TRPC4: variants seen among roughly 807,000 people sequenced by gnomAD.
TRPC4 encodes short transient receptor potential channel 4.
A neutral mutation model predicts 99.4 loss-of-function variants in TRPC4; 49 were observed. The ratio of observed to expected loss-of-function variants is 0.49; its 90% CI spans 0.39 to 0.63. The LOEUF is 0.63. Among genes scored for constraint, TRPC4 ranks in the 20% least tolerant of loss-of-function variants. TRPC4 has a pLI of 0.00. For synonymous variants in TRPC4, 454 were observed against 425.9 expected (o/e 1.07, Z -0.81); for missense variants, 898 against 1,152.9 (o/e 0.78, Z 3.20).
Position 37,799,856 on chromosome 13 carries a change from A to T in TRPC4, c.-27-16496T>A, listed in dbSNP as rs187706973. ...CTAGCATCAAAACTGACAATGAAAA[A>T]ATGTGTTGGTTTTGGAGCCAAAATT... On this transcript the variant is annotated intron_variant, in intron 1 of 10. Coordinates refer to ENST00000379705, the MANE Select transcript of TRPC4 (RefSeq NM_016179.4). 3.9e-5 allele frequency among the ~76,000 whole-genome samples: 6 copies of T among 152,280 alleles called. No homozygotes were observed. The East Asian group carries it at 1.2e-3, about 29-fold the overall frequency.
At chr13:37,662,325 T>G (rs1362226353) in intron 6 of TRPC4, among the ~76,000 whole-genome samples, 1 of 126,730 alleles carries the variant, frequency 7.9e-6, no homozygotes, top group Non-Finnish European at 1.8e-5. Flanking sequence ...AAAAAAATTA[T>G]GTTTTCTTTA....
chr13:37,868,477 C>A (rs574194876), intron 1 of TRPC4, among the ~76,000 whole-genome samples: 87 of 152,218 alleles, frequency 5.7e-4, no homozygotes, highest in Non-Finnish European at 8.7e-4. Flanking sequence ...TTACCAAAAA[C>A]ACCCCAAACC....
chr13:37,705,445 A>T (rs888999583), intron 3 of TRPC4, among the ~76,000 whole-genome samples: 1 of 151,950 alleles, frequency 6.6e-6, no homozygotes, highest in Non-Finnish European at 1.5e-5. Context: ...TTTAAGTGTT[A>T]TCACCACAAA....
At chr13:37,857,314 G>A (rs1461747441) in intron 1 of TRPC4, among the ~76,000 whole-genome samples, 3 of 151,518 alleles carry the variant, frequency 2.0e-5, no homozygotes, top group African/African-American at 4.8e-5. Context: ...TGGATTGGAA[G>A]AATCAATACT....
chr13:37,771,368 A>T (rs1315838721), intron 2 of TRPC4, among the ~76,000 whole-genome samples: 1 of 151,770 alleles, frequency 6.6e-6, no homozygotes, highest in Non-Finnish European at 1.5e-5. Flanking sequence ...CTGCTATAGC[A>T]AAATTGAAGA....
intron 2 of TRPC4, among the ~76,000 whole-genome samples, chr13:37,766,068 A>G (rs560016749): frequency 1.3e-5 from 2 of 151,538 alleles, no homozygotes; most frequent in South Asian, 2.1e-4. Context: ...ATGAAAGTTG[A>G]TATAATTAAG....
At chr13:37,816,162 T>A (rs936792544) in intron 1 of TRPC4, among the ~76,000 whole-genome samples, 1 of 151,676 alleles carries the variant, frequency 6.6e-6, no homozygotes, top group African/African-American at 2.4e-5. Flanking sequence ...TAGAAATATG[T>A]CGAATTCATG....
chr13:37,662,847 A>G (rs757750314), intron 6 of TRPC4, among the ~76,000 whole-genome samples: 2 of 152,212 alleles, frequency 1.3e-5, no homozygotes, highest in Non-Finnish European at 2.9e-5. Flanking sequence ...AGAGCTGACA[A>G]TAGACACTGT....
intron 2 of TRPC4, among the ~76,000 whole-genome samples, chr13:37,750,587 C>T (rs1955906530): frequency 6.6e-6 from 1 of 152,044 alleles, no homozygotes; most frequent in Non-Finnish European, 1.5e-5. Flanking sequence ...TTGAAACATT[C>T]TGACTTTCCT....
Position 37,835,778 on chromosome 13 carries a change from G to A in TRPC4, c.-28+33817C>T, listed in dbSNP as rs73462421. On this transcript the variant is annotated intron_variant, in intron 1 of 10. Coordinates refer to ENST00000379705, the MANE Select transcript of TRPC4 (RefSeq NM_016179.4). Reference sequence around the variant, plus strand: ...TGACATTAGTATGTACAGCATACTCGTATGCACAATTCCCAATATATTGGT... The same window carrying A: ...TGACATTAGTATGTACAGCATACTCATATGCACAATTCCCAATATATTGGT... Among the ~76,000 whole-genome samples, 1,463 of 152,234 alleles carry A rather than the reference G, an allele frequency of 9.6e-3. 27 individuals are homozygous for A. Among genetic ancestry groups the A allele is most frequent in the African/African-American group, 0.026 (1,099 of 41,536 alleles).
intron 1 of TRPC4, among the ~76,000 whole-genome samples, chr13:37,841,500 CT>C (rs1958728989): frequency 6.7e-6 from 1 of 149,358 alleles, no homozygotes; most frequent in African/African-American, 2.5e-5. Flanking sequence ...AATCCCATAT[CT>C]AATAAATAGC....
At chr13:37,868,788 A>G (rs1019841170) in intron 1 of TRPC4, among the ~76,000 whole-genome samples, 2 of 152,198 alleles carry the variant, frequency 1.3e-5, no homozygotes, top group African/African-American at 4.8e-5. Flanking sequence ...GGGATACACC[A>G]TAGTGGATAC....
In TRPC4 at chr13:37,746,424, G is replaced by A; in HGVS notation, c.410C>T (p.Ser137Phe). The change falls in exon 3 of 11, where the codon TCT (serine) becomes TTT (phenylalanine). Residue 137 changes from serine to phenylalanine, a missense_variant. Around this residue, in one of 3 missense-constraint regions of TRPC4, gnomAD observed 278 missense variants for 346.6 expected, o/e 0.80. Coordinates refer to ENST00000379705, the MANE Select transcript of TRPC4 (RefSeq NM_016179.4). ...VPPILLDKQF[S>F]EFTPDITPII... is the part of the protein sequence containing the mutation. Reference sequence around the variant, plus strand: ...TGGTGTAATGTCTGGAGTGAATTCAGAGAACTGCTTATCAAGGAGTATAGG... The same window carrying A: ...TGGTGTAATGTCTGGAGTGAATTCAAAGAACTGCTTATCAAGGAGTATAGG... 1 of 1,610,202 alleles carries A rather than the reference G, an allele frequency of 6.2e-7. No individual in the cohort carries two copies. The highest frequency in any genetic ancestry group is 1.1e-5 in the South Asian group (1 of 90,900).
At chr13:37,840,651 A>T (rs956305371) in intron 1 of TRPC4, among the ~76,000 whole-genome samples, 1 of 152,004 alleles carries the variant, frequency 6.6e-6, no homozygotes, top group Non-Finnish European at 1.5e-5. Flanking sequence ...ATTATTATTT[A>T]AAAAGATTAA....
At chr13:37,756,567 C>G (rs530684310) in intron 2 of TRPC4, among the ~76,000 whole-genome samples, 1 of 148,102 alleles carries the variant, frequency 6.8e-6, no homozygotes, top group Non-Finnish European at 1.5e-5. Context: ...GAGTCTTGCC[C>G]TGTCACCCAG....
chr13:37,848,398 C>T (rs897250395), intron 1 of TRPC4, among the ~76,000 whole-genome samples: 3 of 152,070 alleles, frequency 2.0e-5, no homozygotes, highest in African/African-American at 7.2e-5. Context: ...TATCACAGCA[C>T]CATCCATAGA....
At chr13:37,676,895 A>G (rs972669405) in intron 4 of TRPC4, among the ~76,000 whole-genome samples, 1 of 151,474 alleles carries the variant, frequency 6.6e-6, no homozygotes, top group Admixed American at 6.6e-5. Flanking sequence ...ATTTTTAAAA[A>G]TGAAGATTTA....
chr13:37,749,401 A>G (rs1371733494), intron 2 of TRPC4, among the ~76,000 whole-genome samples: 1 of 152,152 alleles, frequency 6.6e-6, no homozygotes, highest in Non-Finnish European at 1.5e-5. Flanking sequence ...TGTCTTTACC[A>G]TTAATTGCCT....
rs528304897 is a variant in TRPC4, at chr13:37,829,166, A to T, written c.-28+40429T>A. On this transcript the variant is annotated intron_variant, in intron 1 of 10. Coordinates refer to ENST00000379705, the MANE Select transcript of TRPC4 (RefSeq NM_016179.4). ...TTCCTTAAAAGGACACTATCAAGAAAGTAAAAGACAACACACAGAATGAAA... is the reference window on the plus strand; with the variant it reads ...TTCCTTAAAAGGACACTATCAAGAATGTAAAAGACAACACACAGAATGAAA... Among the ~76,000 whole-genome samples, 8 of 152,324 alleles carry T rather than the reference A, an allele frequency of 5.3e-5. No individual in the cohort carries two copies. In the East Asian group the frequency reaches 1.5e-3, roughly 29 times the overall value.
Sources: gnomAD v4.1 joint callset for allele counts (sites outside exome capture counted in the v4.1 genomes callset) on GRCh38, gnomAD v4.1.1 for gene constraint, gnomAD v4.1.1 regional missense constraint, MANE v1.5 for transcripts, NCBI Gene and HGNC (gene_info 2026-07-23, HGNC 2026-07-21) for gene names.